CFAP46: variants seen among roughly 807,000 people sequenced by gnomAD.
CFAP46 encodes the protein cilia and flagella associated protein 46, also known as cilia- and flagella-associated protein 46.
CFAP46 carries 245 observed loss-of-function variants against 325.7 expected under a neutral mutation model. The ratio of observed to expected loss-of-function variants is 0.75; its 90% CI spans 0.68 to 0.84. The LOEUF (loss-of-function observed/expected upper bound fraction) is 0.84, where lower values mean the gene tolerates loss of function less well. Ranked by LOEUF, CFAP46 falls within the 40% of genes least tolerant of loss-of-function variation. The pLI, the probability that CFAP46 is intolerant of heterozygous loss-of-function variation, is 0.00. For missense variants in CFAP46, 3,346 were observed against 3,543.0 expected (o/e 0.94, Z 1.41); for synonymous variants, 1,523 against 1,495.9 (o/e 1.02, Z -0.42).
At chr10:132,813,536 C>T (rs1243249448) in intron 54 of CFAP46, among the ~76,000 whole-genome samples, 1 of 129,110 alleles carries the variant, frequency 7.7e-6, no homozygotes, top group South Asian at 2.8e-4. Flanking sequence ...CCTGCAGCCC[C>T]GCCCCTGCAC....
chr10:132,908,623 C>A lies in CFAP46; in HGVS notation c.2769G>T (p.Met923Ile). Residue 923 changes from methionine to isoleucine, a missense_variant, in exon 22 of 58, where the codon ATG becomes ATT. Transcript: ENST00000368586. ...GGTCCGACCAGTTGCACTCGGAAGC[C>A]ATTTTCACCAACTTCCGGTGGGTGG... ...TVPSLAQLVK[M>I]ASECNWSDPL... 6.5e-7 allele frequency: 1 copy of A among 1,535,852 alleles called. No homozygotes were observed. The highest frequency in any genetic ancestry group is 8.8e-7 in the Non-Finnish European group (1 of 1,138,608).
intron 27 of CFAP46, among the ~76,000 whole-genome samples, chr10:132,881,362 G>C (rs1591069407): frequency 1.3e-5 from 2 of 152,178 alleles, no homozygotes; most frequent in East Asian, 3.9e-4. Context: ...CACAGGACAG[G>C]GGTCCTGCTG....
intron 22 of CFAP46, 161 bp downstream of exon 22, chr10:132,908,307 T>C (rs2135522662): frequency 2.5e-6 from 2 of 806,860 alleles, no homozygotes; most frequent in South Asian, 3.7e-5. Context: ...GGTGGGGCGC[T>C]CACACGCGCC....
In CFAP46 at chr10:132,828,208, T is replaced by C. The variant is rs984259242; in HGVS notation, c.7117+5150A>G. On this transcript the variant is annotated intron_variant, in intron 50 of 57. Transcript: ENST00000368586. The surrounding 1 kb of genome is among the most constrained non-coding windows in gnomAD (Gnocchi z 4.9). ...TCTGCGGGACGCGTGTCTCCTTATC[T>C]CTTTGGTAGATGGAGTGGAATGACT... Among the ~76,000 whole-genome samples, 1 of 152,360 alleles carries C rather than the reference T, an allele frequency of 6.6e-6. No individual in the cohort carries two copies.
At chr10:132,922,354 C>T (rs1009648610) in intron 12 of CFAP46, 126 bp downstream of exon 12, 16 of 1,452,002 alleles carry the variant, frequency 1.1e-5, no homozygotes, top group East Asian at 2.5e-5. Flanking sequence ...AGTGACAGCT[C>T]GGTCCCAGGC....
intron 28 of CFAP46, among the ~76,000 whole-genome samples, chr10:132,880,499 C>A (rs565258005): frequency 1.3e-5 from 2 of 152,190 alleles, no homozygotes; most frequent in African/African-American, 2.4e-5. Flanking sequence ...TCTGGACCCC[C>A]GCTCCCCCGG....
chr10:132,835,670 C>A (rs1459720030), intron 46 of CFAP46, among the ~76,000 whole-genome samples: 2 of 152,128 alleles, frequency 1.3e-5, no homozygotes, highest in African/African-American at 4.8e-5. Context: ...CCGTCTACAC[C>A]TGTTTCCAGA....
At chr10:132,905,887 ACCCCCAG>A (rs1187165064) in intron 22 of CFAP46, among the ~76,000 whole-genome samples, 1 of 152,074 alleles carries the variant, frequency 6.6e-6, no homozygotes, top group East Asian at 1.9e-4. Flanking sequence ...CTGGGGACGC[ACCCCCAG>A]CCCCACCTGC....
At chr10:132,845,497 G>A (rs1048696169) in intron 44 of CFAP46, among the ~76,000 whole-genome samples, 3 of 152,250 alleles carry the variant, frequency 2.0e-5, no homozygotes, top group Non-Finnish European at 4.4e-5. Context: ...GGACCAGGGA[G>A]GCAGCCACGC....
intron 8 of CFAP46, among the ~76,000 whole-genome samples, chr10:132,933,321 G>C (rs150262387): frequency 6.6e-6 from 1 of 152,326 alleles, no homozygotes. Flanking sequence ...TGGGCAGGTC[G>C]GGAAGAGAGA....
Position 132,846,037 on chromosome 10 carries a change from C to G in CFAP46, c.6438+20G>C, listed in dbSNP as rs573776691. 1.3e-6 allele frequency: 2 copies of G among 1,592,500 alleles called. No individual in the cohort carries two copies. Among genetic ancestry groups the G allele is most frequent in the South Asian group, 2.2e-5 (2 of 89,134 alleles). On this transcript the variant is annotated intron_variant, in intron 44 of 57. Coordinates refer to ENST00000368586, the MANE Select transcript of CFAP46 (RefSeq NM_001200049.3). ...GCTCCAGAGCTGGGGGCAGGTTCAG[C>G]GGCATCCGTGCCCGCTTACCTTGGA...
At chr10:132,888,830 GCCAC>G in intron 25 of CFAP46, among the ~76,000 whole-genome samples, 1 of 68,566 alleles carries the variant, frequency 1.5e-5, no homozygotes, top group South Asian at 6.3e-4. Flanking sequence ...GCCTGCACCT[GCCAC>G]CTTCACCCCT....
At chr10:132,860,635 G>A (rs902341344) in intron 36 of CFAP46, 112 bp from the exon 37 acceptor site, 24 of 1,176,252 alleles carry the variant, frequency 2.0e-5, no homozygotes, top group Non-Finnish European at 2.7e-5. Flanking sequence ...GGCGGGGGTA[G>A]ATACGGGTGT....
intron 22 of CFAP46, among the ~76,000 whole-genome samples, chr10:132,901,646 T>C (rs1012755872): frequency 1.3e-5 from 2 of 152,212 alleles, no homozygotes; most frequent in African/African-American, 2.4e-5. Context: ...ATTTTTGCTT[T>C]AAAAGGTCAA....
Position 132,922,109 on chromosome 10 carries a change from GC to G in CFAP46, c.1600del (p.Ala534ProfsTer79). ...GAGCCCAGTGCAGAGCTCACCTTTG[GC>G]CTCATTCTCACTGTCCAGCACAATC... ...FQIVLDSENE[A>X]KVSTGKNRGR... On this transcript the variant is annotated frameshift_variant, in exon 13 of 58. Transcript: ENST00000368586. LOFTEE classifies it high-confidence loss of function. 1.3e-6 allele frequency: 2 copies of G among 1,550,136 alleles called. No homozygotes were observed. Among genetic ancestry groups the G allele is most frequent in the African/African-American group, 2.7e-5 (2 of 73,176 alleles).
intron 25 of CFAP46, among the ~76,000 whole-genome samples, chr10:132,887,690 TCTCTC>T (rs1460514503): frequency 1.4e-4 from 15 of 107,600 alleles, no homozygotes; most frequent in African/African-American, 3.4e-4. Context: ...CTCTCCTCTC[TCTCTC>T]CTCTCCTCTC....
chr10:132,926,506 G>A (rs1486495669), intron 10 of CFAP46, 62 bp downstream of exon 10: 11 of 1,225,978 alleles, frequency 9.0e-6, no homozygotes, highest in Middle Eastern at 1.9e-4. Flanking sequence ...CACTCAACTT[G>A]CACCAAGCTC....
intron 50 of CFAP46, among the ~76,000 whole-genome samples, chr10:132,822,106 A>C (rs1256509860): frequency 9.4e-6 from 1 of 106,746 alleles, no homozygotes; most frequent in Non-Finnish European, 1.8e-5. Flanking sequence ...GTGAGTGCTG[A>C]TGTGTGCTGT....
At position 132,834,141 on chromosome 10, in the gene CFAP46, T is replaced by C; in HGVS notation, c.6867-18A>G. 3 of 1,612,808 alleles carry C rather than the reference T, an allele frequency of 1.9e-6. No homozygotes were observed. Among genetic ancestry groups the C allele is most frequent in the Non-Finnish European group, 1.7e-6 (2 of 1,179,126 alleles). On this transcript the variant is annotated intron_variant, in intron 48 of 57. Coordinates refer to ENST00000368586, the MANE Select transcript of CFAP46 (RefSeq NM_001200049.3). ...TCTGCACTCTGAAAGTCAGGTTATA[T>C]ATTCGGGTTTAAGAAACAGAGATAA...
Sources: allele counts gnomAD v4.1 joint callset (sites outside exome capture counted in the v4.1 genomes callset), GRCh38; gene constraint gnomAD v4.1.1; non-coding constraint Gnocchi (gnomAD v3.1); transcripts MANE v1.5; gene names NCBI Gene and HGNC (gene_info 2026-07-23, HGNC 2026-07-21).